The following RDX variants were observed in gnomAD, a reference collection of about 807,000 sequenced individuals.
RDX encodes radixin, also known as deafness, autosomal recessive 24.
In RDX, 32 loss-of-function variants were observed where a neutral mutation model predicts 83.7. The ratio of observed to expected loss-of-function variants is 0.38; its 90% CI spans 0.29 to 0.51. The LOEUF (loss-of-function observed/expected upper bound fraction) is 0.51, where lower values mean the gene tolerates loss of function less well. RDX is among the 20% of genes least tolerant of loss of function. The probability of loss-of-function intolerance (pLI) is 0.87; values close to 1 mark genes in which losing one functional copy is unlikely to be tolerated. For synonymous variants in RDX, 229 were observed against 222.7 expected (o/e 1.03, Z -0.25); for missense variants, 600 against 689.9 (o/e 0.87, Z 1.46).
intron 13 of RDX, among the ~76,000 whole-genome samples, chr11:110,232,765 C>T (rs1864690717): frequency 6.6e-6 from 1 of 152,116 alleles, no homozygotes; most frequent in African/African-American, 2.4e-5. Context: ...CAGGCTCATA[C>T]CACCATACCC....
chr11:110,257,617 C>G (rs971579683), intron 7 of RDX, 150 bp downstream of exon 7: 48 of 781,444 alleles, frequency 6.1e-5, no homozygotes, highest in Non-Finnish European at 1.0e-4. Flanking sequence ...GGTAAAATAT[C>G]TACAAGTCTA....
chr11:110,259,196 C>T (rs1179859519), intron 5 of RDX, among the ~76,000 whole-genome samples: 2 of 152,176 alleles, frequency 1.3e-5, no homozygotes, highest in Non-Finnish European at 2.9e-5. Context: ...CCTCGACCTC[C>T]CAAAGTGCTG....
intron 14 of RDX, among the ~76,000 whole-genome samples, chr11:110,215,823 C>A (rs1183758523): frequency 6.6e-6 from 1 of 152,182 alleles, no homozygotes; most frequent in Non-Finnish European, 1.5e-5. Context: ...CTGTGGTTGT[C>A]CTTCGGCAGG....
chr11:110,272,838 T>C (rs1860359581), intron 2 of RDX: 2 of 555,700 alleles, frequency 3.6e-6, no homozygotes, highest in Non-Finnish European at 6.6e-6. Context: ...CATACTCTCA[T>C]TTAGCCCTTG....
intron 1 of RDX, among the ~76,000 whole-genome samples, chr11:110,292,820 C>A (rs1861298691): frequency 6.6e-6 from 1 of 152,170 alleles, no homozygotes; most frequent in African/African-American, 2.4e-5. Context: ...ATCCTTTCAA[C>A]AGGATGTTTT....
At chr11:110,203,608 C>T (rs1333870573) in intron 14 of RDX, among the ~76,000 whole-genome samples, 2 of 151,906 alleles carry the variant, frequency 1.3e-5, no homozygotes, top group African/African-American at 4.8e-5. Flanking sequence ...TTACACATTG[C>T]ATGCTTGTAT....
intron 9 of RDX, among the ~76,000 whole-genome samples, chr11:110,249,155 T>C (rs1332387188): frequency 1.3e-5 from 2 of 152,180 alleles, no homozygotes; most frequent in East Asian, 3.8e-4. Flanking sequence ...TCAGACAATA[T>C]TGTTTACTTA....
intron 2 of RDX, 100 bp from the exon 3 acceptor site, chr11:110,272,719 A>G (rs1213971086): frequency 1.3e-6 from 1 of 795,910 alleles, no homozygotes; most frequent in East Asian, 2.7e-5. Flanking sequence ...TTTTATTTTA[A>G]TCACAAGAAA....
At chr11:110,275,079 T>G (rs1860458885) in intron 2 of RDX, among the ~76,000 whole-genome samples, 1 of 152,196 alleles carries the variant, frequency 6.6e-6, no homozygotes, top group Admixed American at 6.5e-5. Context: ...ATTATCAGAT[T>G]TATTAATATC....
intron 14 of RDX, among the ~76,000 whole-genome samples, chr11:110,223,153 C>T (rs1213897657): frequency 7.9e-5 from 12 of 152,134 alleles, no homozygotes. Flanking sequence ...GAGGTCAAAA[C>T]CAGCCTGGCC....
intron 9 of RDX, among the ~76,000 whole-genome samples, chr11:110,251,959 G>GA (rs1338978209): frequency 6.6e-6 from 1 of 152,132 alleles, no homozygotes; most frequent in Non-Finnish European, 1.5e-5. Context: ...ATACCTCTGG[G>GA]CATTCTCCCA....
chr11:110,216,377 A>T (rs1864051320), intron 14 of RDX, among the ~76,000 whole-genome samples: 2 of 143,738 alleles, frequency 1.4e-5, no homozygotes, highest in South Asian at 2.2e-4. Flanking sequence ...ACTTTTTCTA[A>T]TTTTTTTTTT....
chr11:110,244,034 A>C (rs531052942), intron 10 of RDX, among the ~76,000 whole-genome samples: 2 of 152,180 alleles, frequency 1.3e-5, no homozygotes, highest in Non-Finnish European at 2.9e-5. Context: ...GGACATATGA[A>C]CAACAAAAAC....
At chr11:110,213,133 C>T (rs973526127) in intron 14 of RDX, among the ~76,000 whole-genome samples, 1 of 152,022 alleles carries the variant, frequency 6.6e-6, no homozygotes, top group Non-Finnish European at 1.5e-5. Context: ...GCAACTTCAG[C>T]AAAGTCTCAG....
At chr11:110,248,558 T>C (rs1005348853) in intron 9 of RDX, among the ~76,000 whole-genome samples, 1 of 152,152 alleles carries the variant, frequency 6.6e-6, no homozygotes, top group African/African-American at 2.4e-5. Context: ...AACTGTCAAA[T>C]ATATATTCCT....
At chr11:110,275,597 A>G (rs557297883) in intron 2 of RDX, among the ~76,000 whole-genome samples, 2 of 152,198 alleles carry the variant, frequency 1.3e-5, no homozygotes, top group South Asian at 4.1e-4. Flanking sequence ...TTCTTACTTT[A>G]ACGTAGGAAG....
chr11:110,209,422 G>A (rs887435245), intron 14 of RDX, among the ~76,000 whole-genome samples: 10 of 152,148 alleles, frequency 6.6e-5, no homozygotes, highest in Non-Finnish European at 1.0e-4. Context: ...AGGGGCGCCC[G>A]CCATTGCCCA....
chr11:110,278,140 G>A (rs781573832), intron 2 of RDX, among the ~76,000 whole-genome samples: 16 of 151,944 alleles, frequency 1.1e-4, no homozygotes, highest in African/African-American at 3.6e-4. Context: ...TCATTTCACC[G>A]ATCCTATTAA....
chr11:110,189,242 G>GT (rs201649584), intron 15 of RDX, among the ~76,000 whole-genome samples: 485 of 37,924 alleles, frequency 0.013, 25 homozygotes, highest in Middle Eastern at 0.047. Context: ...TGAACAACAG[G>GT]TAAAAAAAAA....
Sources: allele counts gnomAD v4.1 joint callset (sites outside exome capture counted in the v4.1 genomes callset), GRCh38; gene constraint gnomAD v4.1.1; transcripts MANE v1.5; gene names NCBI Gene and HGNC (gene_info 2026-07-23, HGNC 2026-07-21).